Variants in ELMO1 observed in about 807,000 individuals in gnomAD.
ELMO1 encodes the protein engulfment and cell motility 1, also known as engulfment and cell motility protein 1.
A neutral mutation model predicts 98.9 loss-of-function variants in ELMO1; 26 were observed. The ratio of observed to expected loss-of-function variants is 0.26; its 90% CI spans 0.19 to 0.36. The LOEUF (loss-of-function observed/expected upper bound fraction) is 0.36, where lower values mean the gene tolerates loss of function less well. Ranked by LOEUF, ELMO1 falls within the 10% of genes least tolerant of loss-of-function variation. ELMO1 has a pLI of 1.00. For synonymous variants in ELMO1, 346 were observed against 346.0 expected (o/e 1.00, Z 0.00); for missense variants, 627 against 935.2 (o/e 0.67, Z 4.30).
intron 16 of ELMO1, among the ~76,000 whole-genome samples, chr7:36,961,663 T>C (rs1788963127): frequency 6.6e-6 from 1 of 152,250 alleles, no homozygotes; most frequent in South Asian, 2.1e-4. Flanking sequence ...TTGATATTTA[T>C]GAATACCTTG....
chr7:36,930,158 C>G (rs891166627), intron 16 of ELMO1, among the ~76,000 whole-genome samples: 1 of 152,202 alleles, frequency 6.6e-6, no homozygotes, highest in African/African-American at 2.4e-5. Flanking sequence ...ACGGGTCTCC[C>G]CAGCCCATGG....
chr7:37,269,299 C>G (rs1466264511), intron 5 of ELMO1, among the ~76,000 whole-genome samples: 4 of 152,160 alleles, frequency 2.6e-5, no homozygotes, highest in Non-Finnish European at 5.9e-5. Flanking sequence ...GGCCTATTCC[C>G]AAATATTGTA....
chr7:37,126,121 G>A (rs1786492285), intron 14 of ELMO1, among the ~76,000 whole-genome samples: 1 of 151,850 alleles, frequency 6.6e-6, no homozygotes, highest in African/African-American at 2.4e-5. Flanking sequence ...CACAGGAAGG[G>A]GGACATCACA....
chr7:37,210,653 G>C (rs575576537), intron 13 of ELMO1, among the ~76,000 whole-genome samples: 1 of 151,782 alleles, frequency 6.6e-6, no homozygotes, highest in East Asian at 1.9e-4. Context: ...AAGAGTATTT[G>C]GAACTATAAA....
At chr7:37,287,224 A>T (rs2130931275) in intron 4 of ELMO1, among the ~76,000 whole-genome samples, 1 of 152,196 alleles carries the variant, frequency 6.6e-6, no homozygotes, top group African/African-American at 2.4e-5. Flanking sequence ...GTATCATAGT[A>T]ATATATATGC....
At chr7:37,255,596 C>T (rs1355987211) in intron 6 of ELMO1, among the ~76,000 whole-genome samples, 3 of 152,232 alleles carry the variant, frequency 2.0e-5, no homozygotes, top group African/African-American at 4.8e-5. Context: ...ATGCAGATCA[C>T]ATGCGCCCCT....
chr7:37,111,595 G>A (rs1207993292), intron 14 of ELMO1, among the ~76,000 whole-genome samples: 1 of 152,188 alleles, frequency 6.6e-6, no homozygotes, highest in African/African-American at 2.4e-5. Flanking sequence ...TGGGTCCAAA[G>A]TCCCCATTTG....
intron 4 of ELMO1, among the ~76,000 whole-genome samples, chr7:37,291,090 G>A (rs954406243): frequency 2.6e-5 from 4 of 152,038 alleles, no homozygotes; most frequent in African/African-American, 9.7e-5. Flanking sequence ...TGAAAGAAGT[G>A]ACAATGCAAG....
intron 15 of ELMO1, among the ~76,000 whole-genome samples, chr7:37,023,089 G>T (rs1379346241): frequency 6.6e-6 from 1 of 152,172 alleles, no homozygotes; most frequent in Non-Finnish European, 1.5e-5. Context: ...CAGGGTATTG[G>T]TTCTTTTGGA....
At chr7:36,861,467 G>C (rs1802621464) in intron 21 of ELMO1, among the ~76,000 whole-genome samples, 192 bp downstream of exon 21, 1 of 151,902 alleles carries the variant, frequency 6.6e-6, no homozygotes, top group Non-Finnish European at 1.5e-5. Flanking sequence ...TATCAATCAA[G>C]CTACTAAGAA....
chr7:37,203,952 T>C (rs1792452403), intron 13 of ELMO1, among the ~76,000 whole-genome samples: 1 of 152,140 alleles, frequency 6.6e-6, no homozygotes, highest in African/African-American at 2.4e-5. Flanking sequence ...CAGGGATTGT[T>C]AGAGAGCCCT....
Position 37,009,292 on chromosome 7 carries a change from C to T in ELMO1, c.1437+4007G>A, listed in dbSNP as rs192394757. Among the ~76,000 whole-genome samples the T allele has an allele frequency of 3.2e-3, 486 of 152,306 alleles. 1 individual carries two copies. Among genetic ancestry groups the T allele is most frequent in the Non-Finnish European group, 5.6e-3 (383 of 68,040 alleles). ...CTAAAATATTGGTAATGATAGAACA[C>T]ACACTCAATGGCCTGAATCAATGGA... is the stretch of plus-strand genomic sequence containing the variant. On this transcript the variant is annotated intron_variant, in intron 16 of 21. Coordinates refer to ENST00000310758, the MANE Select transcript of ELMO1 (RefSeq NM_014800.11).
At position 36,961,273 on chromosome 7, in the gene ELMO1, T is replaced by C. The variant is rs150269435; in HGVS notation, c.1437+52026A>G. 4.2e-3 allele frequency among the ~76,000 whole-genome samples: 645 copies of C among 152,328 alleles called. 10 individuals are homozygous for C. The highest frequency in any genetic ancestry group is 0.015 in the African/African-American group (615 of 41,564). ...CATGCAGGCATTAGCTCAGAAGATG[T>C]GTACCCTGGGCCTGCCATCACCCAC... On this transcript the variant is annotated intron_variant, in intron 16 of 21. Coordinates refer to ENST00000310758, the MANE Select transcript of ELMO1 (RefSeq NM_014800.11).
intron 16 of ELMO1, among the ~76,000 whole-genome samples, chr7:36,966,663 A>G (rs1377750833): frequency 6.6e-6 from 1 of 152,248 alleles, no homozygotes; most frequent in African/African-American, 2.4e-5. Flanking sequence ...GATTAGCATC[A>G]ATGAATTGAA....
intron 14 of ELMO1, among the ~76,000 whole-genome samples, chr7:37,121,008 C>T (rs1436287273): frequency 6.6e-6 from 1 of 152,222 alleles, no homozygotes; most frequent in African/African-American, 2.4e-5. Context: ...GATACCCAGG[C>T]AAACAGAGTC....
At chr7:37,130,099 C>T (rs766061574) in intron 14 of ELMO1, among the ~76,000 whole-genome samples, 4 of 152,130 alleles carry the variant, frequency 2.6e-5, no homozygotes, top group Non-Finnish European at 4.4e-5. Flanking sequence ...CTGACCTGAC[C>T]CCCACATCTG....
intron 6 of ELMO1, among the ~76,000 whole-genome samples, chr7:37,258,482 C>A (rs546819740): frequency 1.1e-4 from 16 of 152,134 alleles, no homozygotes; most frequent in Admixed American, 5.2e-4. Flanking sequence ...TGGGTCCGCC[C>A]TCTAGATTCC....
intron 2 of ELMO1, among the ~76,000 whole-genome samples, chr7:37,336,915 G>T (rs1298795796): frequency 1.3e-5 from 2 of 152,126 alleles, no homozygotes; most frequent in African/African-American, 4.8e-5. Flanking sequence ...ATTTTCCAAG[G>T]TGAAAACAGA....
chr7:37,053,113 C>T (rs564171748), intron 15 of ELMO1, among the ~76,000 whole-genome samples: 48 of 152,068 alleles, frequency 3.2e-4, no homozygotes, highest in Non-Finnish European at 6.9e-4. Context: ...TTAAAAAAGT[C>T]TTTAGGTTAT....
Sources: allele counts gnomAD v4.1 joint callset (sites outside exome capture counted in the v4.1 genomes callset), GRCh38; gene constraint gnomAD v4.1.1; transcripts MANE v1.5; gene names NCBI Gene and HGNC (gene_info 2026-07-23, HGNC 2026-07-21).